FLT4: variants seen among roughly 807,000 people sequenced by gnomAD.
FLT4 encodes fms related receptor tyrosine kinase 4.
A neutral mutation model predicts 163.2 loss-of-function variants in FLT4; 30 were observed. That is an observed-to-expected ratio of 0.18 (90% confidence interval 0.14 to 0.25). FLT4 has a LOEUF of 0.25. Among genes scored for constraint, FLT4 ranks in the 10% least tolerant of loss-of-function variants. FLT4 has a pLI of 1.00. For synonymous variants in FLT4, 884 were observed against 789.5 expected (o/e 1.12, Z -2.01); for missense variants, 1,510 against 1,863.8 (o/e 0.81, Z 3.50).
At chr5:180,619,588 G>A in intron 18 of FLT4, 77 bp downstream of exon 18, 1 of 1,191,224 alleles carries the variant, frequency 8.4e-7, no homozygotes, top group Non-Finnish European at 1.3e-6. Context: ...CCCTTCCCGA[G>A]TTGCCGTCCC....
At chr5:180,604,305 G>A (rs548645899) in intron 29 of FLT4, among the ~76,000 whole-genome samples, 16 of 152,228 alleles carry the variant, frequency 1.1e-4, no homozygotes, top group Admixed American at 2.6e-4. Flanking sequence ...AGCACCCTGG[G>A]GTTCTCCTTG....
chr5:180,603,266 G>C lies in FLT4; in HGVS notation c.4018C>G (p.Leu1340Val). Residue 1340 changes from leucine (L) to valine (V), a missense_variant, in exon 30 of 30, where the codon CTG (leucine) becomes GTG (valine). Leu to Val is a conservative substitution (Grantham distance 32, BLOSUM62 1). This residue lies in a region of FLT4 where 295 missense variants were observed against 311.0 expected (regional missense o/e 0.95). Transcript: ENST00000261937. ...TGGTCCTCCTCGCTTGGCTCCGACAGCTCCCCATACTCGCTGTTGTAAAAC... is the reference window on the plus strand; with the variant it reads ...TGGTCCTCCTCGCTTGGCTCCGACACCTCCCCATACTCGCTGTTGTAAAAC... ...QVFYNSEYGE[L>V]SEPSEEDHCS... 1.2e-6 allele frequency: 2 copies of C among 1,614,168 alleles called. No homozygotes were observed. The highest frequency in any genetic ancestry group is 1.7e-6 in the Non-Finnish European group (2 of 1,180,032).
Position 180,602,093 on chromosome 5 carries a change from T to C in FLT4, c.*1099A>G. The C allele has an allele frequency of 4.3e-6, 1 of 233,662 alleles. No homozygotes were observed. The highest frequency in any genetic ancestry group is 8.4e-6 in the Non-Finnish European group (1 of 118,370). 14.5% of individuals were successfully genotyped at this position (233,662 alleles called of 1,614,324 possible). A position where few individuals can be genotyped will look rare whatever the true frequency, so the allele number is the denominator to read the frequency against. Reference sequence around the variant, plus strand: ...GCATTCTGACCAGCCAGGGTGCTGATGTCAGGCACAGGGCAGGAAAAGGCT... The same window carrying C: ...GCATTCTGACCAGCCAGGGTGCTGACGTCAGGCACAGGGCAGGAAAAGGCT... On this transcript the variant is annotated 3_prime_UTR_variant, in exon 30 of 30. Transcript: ENST00000261937.
chr5:180,630,290 T>G lies in FLT4; in HGVS notation c.448A>C (p.Arg150=), dbSNP rs1763993684. The G allele has an allele frequency of 1.2e-6, 2 of 1,612,526 alleles. No homozygotes were observed. The highest frequency in any genetic ancestry group is 2.7e-5 in the African/African-American group (2 of 75,036). The change falls in exon 4 of 30, where the codon AGG becomes CGG. Residue 150 remains arginine, a synonymous_variant. Coordinates refer to ENST00000261937, the MANE Select transcript of FLT4 (RefSeq NM_182925.5). The surrounding 1 kb of genome is among the most constrained non-coding windows in gnomAD (Gnocchi z 6.3). ...CAGGGCACCCACATGGCGTCCTTCC[T>G]GTTGACCAAGAGCGTGTCAGGCTTG... The part of the protein sequence containing the change: ...INKPDTLLVN[R]KDAMWVPCLV...
At chr5:180,619,873 G>T in intron 17 of FLT4, 104 bp from the exon 18 acceptor site, 1 of 850,270 alleles carries the variant, frequency 1.2e-6, no homozygotes. Flanking sequence ...GACAGGCCTG[G>T]CAGCAGGAGG....
chr5:180,618,697 G>GCTGGGTTACC (rs1554111699), intron 21 of FLT4, 73 bp downstream of exon 21: 8 of 323,894 alleles, frequency 2.5e-5, no homozygotes, highest in African/African-American at 3.3e-5. Context: ...AGGACCCCAG[G>GCTGGGTTACC]CTGGGGTGCC....
Position 180,602,741 on chromosome 5 carries a change from T to TGGTC in FLT4, c.*450_*451insGACC. The TGGTC allele has an allele frequency of 2.2e-6, 1 of 462,610 alleles. No individual in the cohort carries two copies. Among genetic ancestry groups the TGGTC allele is most frequent in the Non-Finnish European group, 3.8e-6 (1 of 264,232 alleles). 28.7% of individuals were successfully genotyped at this position (462,610 alleles called of 1,614,324 possible). A position where few individuals can be genotyped will look rare whatever the true frequency, so the allele number is the denominator to read the frequency against. ...AGCCCTCGTGGGGAGAGTAGCTGTG[T>TGGTC]GCCTGAGGAGGAAAGGGCGTTTGGG... On this transcript the variant is annotated 3_prime_UTR_variant, in exon 30 of 30. Transcript: ENST00000261937.
At chr5:180,603,881 G>A (rs2127782447) in intron 29 of FLT4, among the ~76,000 whole-genome samples, 1 of 149,920 alleles carries the variant, frequency 6.7e-6, no homozygotes, top group South Asian at 2.1e-4. Context: ...TCCAGCCTGG[G>A]CGACAGAGTG....
At chr5:180,613,315 T>C (rs1433126273) in intron 24 of FLT4, 34 of 532,746 alleles carry the variant, frequency 6.4e-5, no homozygotes, top group Non-Finnish European at 1.1e-4. Flanking sequence ...TCTAGTTCAT[T>C]TGGTTAAAAG....
In FLT4 at chr5:180,618,868, C is replaced by A; in HGVS notation, c.2903G>T (p.Arg968Met). ...GCTCCCCGGCCGCCTCCGATCCAGC[C>A]TGGCGAGCTCCACCATGGCGCGGAA... ...GRFRAMVELARLDRRRPGSSD... is the reference protein window; with the variant it reads ...GRFRAMVELAMLDRRRPGSSD... The change falls in exon 21 of 30, where the codon AGG (arginine) becomes ATG (methionine). Residue 968 changes from arginine to methionine, a missense_variant. By Grantham distance (91) the Arg-to-Met change is moderately conservative. Around this residue, in one of 5 missense-constraint regions of FLT4, gnomAD observed 878 missense variants for 1,016.7 expected, o/e 0.86. Coordinates refer to ENST00000261937, the MANE Select transcript of FLT4 (RefSeq NM_182925.5). 1 of 1,586,118 alleles carries A rather than the reference C, an allele frequency of 6.3e-7. No homozygotes were observed. Among genetic ancestry groups the A allele is most frequent in the Non-Finnish European group, 8.6e-7 (1 of 1,166,922 alleles).
chr5:180,622,917 C>A, intron 11 of FLT4, 78 bp from the exon 12 acceptor site: 1 of 832,244 alleles, frequency 1.2e-6, no homozygotes, highest in Non-Finnish European at 2.0e-6. Flanking sequence ...GCAAGGAGGT[C>A]GCTGTGCACC....
chr5:180,629,788 G>A lies in FLT4; in HGVS notation c.724C>T (p.Leu242=), dbSNP rs2127835395. ...AGGACCAGCTTCTCCCCTACCAGCA[G>A]CTCCAGCGACTTCCTGGGCAACAGC... The part of the protein sequence containing the change: ...IQLLPRKSLE[L]LVGEKLVLNC... Residue 242 remains leucine (L), a synonymous_variant, in exon 6 of 30, where the codon CTG becomes TTG. Transcript: ENST00000261937. 6.2e-7 allele frequency: 1 copy of A among 1,612,538 alleles called. No homozygotes were observed. The highest frequency in any genetic ancestry group is 8.5e-7 in the Non-Finnish European group (1 of 1,179,884).
In FLT4 at chr5:180,618,782, G is replaced by T; in HGVS notation, c.2989C>A (p.Pro997Thr). ...GCCAGGCTCTCACCTTCTTGGTCTG[G>T]AGAAGCCCGCCTCGCTCCGCCCTCG... Reference protein sequence around the residue: ...KTEGGARRASPDQEAEDLWLS... With the variant: ...KTEGGARRASTDQEAEDLWLS... The change falls in exon 21 of 30, where the codon CCA (proline) becomes ACA (threonine). Residue 997 changes from proline (P) to threonine (T), a missense_variant. Coordinates refer to ENST00000261937, the MANE Select transcript of FLT4 (RefSeq NM_182925.5). 6.3e-7 allele frequency: 1 copy of T among 1,589,772 alleles called. No individual in the cohort carries two copies. Among genetic ancestry groups the T allele is most frequent in the Non-Finnish European group, 8.6e-7 (1 of 1,168,742 alleles).
chr5:180,621,049 G>A, intron 14 of FLT4, 42 bp from the exon 15 acceptor site: 1 of 1,611,962 alleles, frequency 6.2e-7, no homozygotes, highest in Admixed American at 1.7e-5. Flanking sequence ...CCTGGGTTTG[G>A]GATCGTCGGC....
At chr5:180,624,167 G>T in intron 10 of FLT4, 106 bp from the exon 11 acceptor site, 1 of 1,370,188 alleles carries the variant, frequency 7.3e-7, no homozygotes, top group East Asian at 2.3e-5. Context: ...TTCTCATATG[G>T]GGTCGTGGGC....
Position 180,605,449 on chromosome 5 carries a change from A to G in FLT4, c.3894-2059T>C, listed in dbSNP as rs192275660. ...CTCGTTTTCCTGTTTCTTTTGAACA[A>G]TTGTCTACCGGGAAGTTTTAACTCT... On this transcript the variant is annotated intron_variant, in intron 29 of 29. Coordinates refer to ENST00000261937, the MANE Select transcript of FLT4 (RefSeq NM_182925.5). Among the ~76,000 whole-genome samples, 19 of 152,218 alleles carry G rather than the reference A, an allele frequency of 1.2e-4. 1 individual carries two copies. Among genetic ancestry groups the G allele is most frequent in the Admixed American group, 1.1e-3 (17 of 15,290 alleles).
intron 24 of FLT4, chr5:180,613,491 C>A: frequency 3.8e-6 from 1 of 265,328 alleles, no homozygotes; most frequent in Admixed American, 5.0e-5. Flanking sequence ...CCCCCAACCC[C>A]TGCTGCTCCC....
intron 29 of FLT4, among the ~76,000 whole-genome samples, chr5:180,603,840 C>G (rs1761643651): frequency 6.6e-6 from 1 of 151,570 alleles, no homozygotes; most frequent in Non-Finnish European, 1.5e-5. Context: ...GGAGGCGGAG[C>G]TTGCAGTGAG....
intron 24 of FLT4, 147 bp from the exon 25 acceptor site, chr5:180,613,257 G>A (rs959227492): frequency 1.5e-5 from 9 of 598,506 alleles, no homozygotes; most frequent in East Asian, 8.4e-5. Context: ...TGGCTCACCC[G>A]ACTGTGCTCT....
Sources: allele counts gnomAD v4.1 joint callset (sites outside exome capture counted in the v4.1 genomes callset), GRCh38; gene constraint gnomAD v4.1.1; regional missense constraint gnomAD v4.1.1; non-coding constraint Gnocchi (gnomAD v3.1); transcripts MANE v1.5; gene names NCBI Gene and HGNC (gene_info 2026-07-23, HGNC 2026-07-21).